The following TACC2 variants were observed in gnomAD, a reference collection of about 807,000 sequenced individuals.
The protein encoded by TACC2 is transforming acidic coiled-coil containing protein 2.
In TACC2, 137 loss-of-function variants were observed where a neutral mutation model predicts 227.3. That is an observed-to-expected ratio of 0.60 (90% confidence interval 0.52 to 0.69). TACC2 has a LOEUF of 0.69. Ranked by LOEUF, TACC2 falls within the 30% of genes least tolerant of loss-of-function variation. TACC2 has a pLI of 0.00. For synonymous variants in TACC2, 1,523 were observed against 1,487.5 expected (o/e 1.02, Z -0.55); for missense variants, 3,470 against 3,694.4 (o/e 0.94, Z 1.57).
At chr10:122,079,044 G>C (rs985539164) in intron 3 of TACC2, 6 of 152,232 alleles carry the variant, frequency 3.9e-5, no homozygotes, top group African/African-American at 1.4e-4. Context: ...TCCTGTCAGA[G>C]GCGTGGACAA....
intron 8 of TACC2, among the ~76,000 whole-genome samples, chr10:122,203,936 A>G (rs1038639756): frequency 1.3e-5 from 2 of 151,800 alleles, no homozygotes; most frequent in African/African-American, 4.9e-5. Context: ...CTGGCGGATC[A>G]CTCGCGGTTA....
chr10:122,026,146 G>C lies in TACC2; in HGVS notation c.33+4132G>C, dbSNP rs373299674. Among the ~76,000 whole-genome samples the C allele has an allele frequency of 7.5e-3, 946 of 126,892 alleles. 16 individuals carry two copies. Among genetic ancestry groups the C allele is most frequent in the African/African-American group, 0.029 (911 of 31,700 alleles). The allele number at this position is 126,892 out of a possible 152,430, so 83.2% of individuals were successfully genotyped here. ...ATCCTGGCTAACACGGTGAAACCCC[G>C]TCTCTACTAAAAATCCAAAAAAAAA... is the stretch of plus-strand genomic sequence containing the variant. On this transcript the variant is annotated intron_variant, in intron 2 of 22. Transcript: ENST00000369005.
chr10:122,114,618 CA>C (rs2084307681), intron 5 of TACC2, among the ~76,000 whole-genome samples: 1 of 152,320 alleles, frequency 6.6e-6, no homozygotes, highest in East Asian at 1.9e-4. Context: ...ATCGGAGCAG[CA>C]AATAGGCCAG....
chr10:122,187,119 CA>C lies in TACC2; in HGVS notation c.5835-7918del, dbSNP rs535185508. Among the ~76,000 whole-genome samples the C allele has an allele frequency of 2.2e-3, 342 of 152,324 alleles. 2 individuals carry two copies. The highest frequency in any genetic ancestry group is 6.4e-3 in the African/African-American group (264 of 41,572). On this transcript the variant is annotated intron_variant, in intron 7 of 22. Transcript: ENST00000369005. ...TTTTGCGAGGAACCTGGTATTGTCA[CA>C]AATAAGCCAATTTCAAAACTAAGTA...
chr10:122,111,744 T>A (rs1205579758), intron 5 of TACC2, among the ~76,000 whole-genome samples: 4 of 151,848 alleles, frequency 2.6e-5, no homozygotes, highest in Non-Finnish European at 5.9e-5. Flanking sequence ...TCTGTCCACC[T>A]CGGCCTCCCA....
Position 121,993,956 on chromosome 10 carries a change from A to G in TACC2, c.-46+4468A>G, listed in dbSNP as rs371418497. On this transcript the variant is annotated intron_variant, in intron 1 of 22. Coordinates refer to ENST00000369005, the MANE Select transcript of TACC2 (RefSeq NM_206862.4). Reference sequence around the variant, plus strand: ...CAGCCCCTTTCTTTTTTCTTTACATAAACAATAGTATATCATACACACTGT... The same window carrying G: ...CAGCCCCTTTCTTTTTTCTTTACATGAACAATAGTATATCATACACACTGT... Among the ~76,000 whole-genome samples the G allele has an allele frequency of 4.6e-5, 7 of 152,208 alleles. No individual in the cohort carries two copies. The East Asian group carries it at 1.3e-3, about 29-fold the overall frequency.
intron 7 of TACC2, among the ~76,000 whole-genome samples, chr10:122,168,173 G>A (rs1450706480): frequency 6.6e-6 from 1 of 151,650 alleles, no homozygotes; most frequent in Non-Finnish European, 1.5e-5. Flanking sequence ...CCGAAGTGTT[G>A]GGATCACAGG....
intron 3 of TACC2, among the ~76,000 whole-genome samples, chr10:122,076,321 G>A (rs928201605): frequency 1.3e-5 from 2 of 152,110 alleles, no homozygotes; most frequent in Non-Finnish European, 2.9e-5. Context: ...TGAGGGCAGG[G>A]CCTTCACAAC....
At chr10:122,120,515 G>A (rs2085525892) in intron 5 of TACC2, among the ~76,000 whole-genome samples, 1 of 152,114 alleles carries the variant, frequency 6.6e-6, no homozygotes, top group South Asian at 2.1e-4. Context: ...CACCCACTTG[G>A]CTCTCAGCAC....
intron 2 of TACC2, among the ~76,000 whole-genome samples, chr10:122,040,261 G>A (rs193300386): frequency 6.6e-6 from 1 of 152,286 alleles, no homozygotes; most frequent in East Asian, 1.9e-4. Flanking sequence ...ACCCAGCCAA[G>A]GGGGGCATCA....
At chr10:122,227,710 G>C in intron 13 of TACC2, 127 bp from the exon 14 acceptor site, 1 of 1,058,274 alleles carries the variant, frequency 9.4e-7, no homozygotes, top group African/African-American at 1.6e-5. Flanking sequence ...GGCCACTGGA[G>C]ACCTGGCTCA....
rs1422377862 is a variant in TACC2 at position 122,211,217 on chromosome 10, G to T, written c.6792G>T (p.Arg2264Ser). 1.2e-6 allele frequency: 2 copies of T among 1,614,000 alleles called. No homozygotes were observed. The highest frequency in any genetic ancestry group is 1.7e-6 in the Non-Finnish European group (2 of 1,180,024). Residue 2264 changes from arginine to serine, a missense_variant, in exon 9 of 23, where the codon AGG becomes AGT. Transcript: ENST00000369005. ...CTCCAGCCAAAGGGCTCTCCGTAAGGCTGGAGTTTGACTATTCTGAGGACA... is the reference window on the plus strand; with the variant it reads ...CTCCAGCCAAAGGGCTCTCCGTAAGTCTGGAGTTTGACTATTCTGAGGACA... The part of the protein sequence containing the change: ...EDSPAKGLSV[R>S]LEFDYSEDKS...
At chr10:122,175,062 C>T (rs2093639653) in intron 7 of TACC2, among the ~76,000 whole-genome samples, 1 of 152,150 alleles carries the variant, frequency 6.6e-6, no homozygotes, top group Non-Finnish European at 1.5e-5. Flanking sequence ...TTCAACCTCC[C>T]CAGGCTCAGA....
intron 7 of TACC2, among the ~76,000 whole-genome samples, chr10:122,156,140 G>A (rs10788254): frequency 0.89 from 134,962 of 151,792 alleles, 60,053 homozygotes; most frequent in Non-Finnish European, 0.91. Context: ...CCTGGCCAAT[G>A]GTGCAAAAAA....
At chr10:122,067,094 G>C (rs2077468378) in intron 3 of TACC2, among the ~76,000 whole-genome samples, 1 of 152,182 alleles carries the variant, frequency 6.6e-6, no homozygotes, top group African/African-American at 2.4e-5. Context: ...CAAGGAAAAA[G>C]AGACTGTATT....
chr10:122,026,543 A>G (rs1958048809), intron 2 of TACC2, among the ~76,000 whole-genome samples: 1 of 151,926 alleles, frequency 6.6e-6, no homozygotes, highest in Non-Finnish European at 1.5e-5. Flanking sequence ...CGATTTAGGT[A>G]TTGCACATTT....
rs1182089143 is a variant in TACC2 at position 122,180,381 on chromosome 10, AG to A, written c.5835-14657del. Among the ~76,000 whole-genome samples, 1 of 142,338 alleles carries A rather than the reference AG, an allele frequency of 7.0e-6. No individual in the cohort carries two copies. The highest frequency in any genetic ancestry group is 2.6e-5 in the African/African-American group (1 of 37,830). The allele number at this position is 142,338 out of a possible 152,430, so 93.4% of individuals were successfully genotyped here. A position where few individuals can be genotyped will look rare whatever the true frequency, so the allele number is the denominator to read the frequency against. On this transcript the variant is annotated intron_variant, in intron 7 of 22. Coordinates refer to ENST00000369005, the MANE Select transcript of TACC2 (RefSeq NM_206862.4). This position sits in a 1 kb window ranked among gnomAD's most constrained non-coding sequence, Gnocchi z 4.5. ...GGTTAATAGTCTGGCTTTGTCGCCC[AG>A]GCTGGAGTGCAGTGGCGCAATTTCA...
chr10:122,215,283 C>T (rs187035829), intron 9 of TACC2, 108 bp from the exon 10 acceptor site: 1 of 964,366 alleles, frequency 1.0e-6, no homozygotes, highest in African/African-American at 1.6e-5. Flanking sequence ...GGGAGGGTGG[C>T]CTGGGCCAGA....
At chr10:122,099,373 A>G (rs1401070869) in intron 5 of TACC2, among the ~76,000 whole-genome samples, 2 of 152,226 alleles carry the variant, frequency 1.3e-5, no homozygotes, top group African/African-American at 4.8e-5. Context: ...ATGGCTGGGC[A>G]GATGCTCCTC....
Sources: gnomAD v4.1 joint callset for allele counts (sites outside exome capture counted in the v4.1 genomes callset) on GRCh38, gnomAD v4.1.1 for gene constraint, Gnocchi (gnomAD v3.1) non-coding constraint, MANE v1.5 for transcripts, NCBI Gene and HGNC (gene_info 2026-07-23, HGNC 2026-07-21) for gene names.